CPA6: variants seen among roughly 807,000 people sequenced by gnomAD.
CPA6 encodes the protein carboxypeptidase B.
CPA6 carries 58 observed loss-of-function variants against 63.3 expected under a neutral mutation model. The ratio of observed to expected loss-of-function variants is 0.92; its 90% CI spans 0.74 to 1.14. The LOEUF (loss-of-function observed/expected upper bound fraction) is 1.14. Among genes scored for constraint, CPA6 ranks in the 50% most tolerant of loss-of-function variants. The pLI, the probability that CPA6 is intolerant of heterozygous loss-of-function variation, is 0.00. For missense variants in CPA6, 565 were observed against 526.6 expected (o/e 1.07, Z -0.71); for synonymous variants, 185 against 179.0 (o/e 1.03, Z -0.27).
At chr8:67,622,366 G>A (rs895790852) in intron 2 of CPA6, among the ~76,000 whole-genome samples, 2 of 152,192 alleles carry the variant, frequency 1.3e-5, no homozygotes, top group African/African-American at 4.8e-5. Flanking sequence ...GATGTCGTTG[G>A]GTGAAGAGGT....
chr8:67,616,126 A>G (rs1814941794), intron 2 of CPA6, among the ~76,000 whole-genome samples: 1 of 152,186 alleles, frequency 6.6e-6, no homozygotes, highest in Non-Finnish European at 1.5e-5. Context: ...GGGAGCTTAA[A>G]GAAATTTTAA....
chr8:67,742,279 T>G (rs1454991231), intron 1 of CPA6, among the ~76,000 whole-genome samples: 1 of 152,140 alleles, frequency 6.6e-6, no homozygotes, highest in African/African-American at 2.4e-5. Flanking sequence ...AAATTAAACC[T>G]CCAATTTTAC....
intron 2 of CPA6, among the ~76,000 whole-genome samples, chr8:67,616,736 T>C (rs1814963951): frequency 6.6e-6 from 1 of 152,124 alleles, no homozygotes; most frequent in African/African-American, 2.4e-5. Flanking sequence ...TACTCTAAGC[T>C]TGGGTTCAAG....
intron 2 of CPA6, among the ~76,000 whole-genome samples, chr8:67,541,880 C>A (rs1360029149): frequency 1.3e-5 from 2 of 152,214 alleles, no homozygotes; most frequent in African/African-American, 4.8e-5. Context: ...GTTGGAAATG[C>A]AGAAATCACC....
rs1563966401 is a variant in CPA6, at chr8:67,473,706, G to A, written c.838+10062C>T. Reference sequence around the variant, plus strand: ...TGCAACCTCCGCCTCCCAGGCTCAGGCAATCCTTCTGCCTCATCCTCCTGA... The same window carrying A: ...TGCAACCTCCGCCTCCCAGGCTCAGACAATCCTTCTGCCTCATCCTCCTGA... On this transcript the variant is annotated intron_variant, in intron 8 of 10. Coordinates refer to ENST00000297770, the MANE Select transcript of CPA6 (RefSeq NM_020361.5). 2.0e-5 allele frequency among the ~76,000 whole-genome samples: 3 copies of A among 152,238 alleles called. No homozygotes were observed. In the East Asian group the frequency reaches 5.8e-4, roughly 29 times the overall value.
At chr8:67,535,556 T>A (rs1812567353) in intron 2 of CPA6, among the ~76,000 whole-genome samples, 2 of 152,072 alleles carry the variant, frequency 1.3e-5, no homozygotes, top group South Asian at 4.1e-4. Context: ...TTGGATGGGG[T>A]TGTTTTTCTT....
intron 9 of CPA6, among the ~76,000 whole-genome samples, chr8:67,432,922 T>C (rs1810060489): frequency 6.6e-6 from 1 of 152,172 alleles, no homozygotes; most frequent in South Asian, 2.1e-4. Context: ...AACCCCCTAC[T>C]TGCTACTGGT....
chr8:67,668,297 T>A (rs1296414787), intron 1 of CPA6, among the ~76,000 whole-genome samples: 2 of 152,228 alleles, frequency 1.3e-5, no homozygotes, highest in Non-Finnish European at 2.9e-5. Flanking sequence ...CTATACCCAC[T>A]TCAACAGTTC....
At chr8:67,475,370 A>G (rs1811149935) in intron 8 of CPA6, among the ~76,000 whole-genome samples, 1 of 152,228 alleles carries the variant, frequency 6.6e-6, no homozygotes, top group African/African-American at 2.4e-5. Context: ...GTTTTCTAGC[A>G]ATATGATGGA....
At chr8:67,522,327 C>G (rs1381366606) in intron 2 of CPA6, among the ~76,000 whole-genome samples, 1 of 152,126 alleles carries the variant, frequency 6.6e-6, no homozygotes, top group Non-Finnish European at 1.5e-5. Context: ...TTTAGAGTTT[C>G]CTGTGGCTCA....
At chr8:67,437,734 G>A (rs1304427768) in intron 8 of CPA6, among the ~76,000 whole-genome samples, 1 of 152,018 alleles carries the variant, frequency 6.6e-6, no homozygotes, top group Non-Finnish European at 1.5e-5. Context: ...GATGGAGAGT[G>A]GTTTGAAACA....
chr8:67,496,834 C>T (rs1027273675), intron 6 of CPA6, among the ~76,000 whole-genome samples: 14 of 152,036 alleles, frequency 9.2e-5, no homozygotes, highest in Non-Finnish European at 1.5e-5. Context: ...GCTGGGATTA[C>T]AGGCGTGAGC....
intron 8 of CPA6, among the ~76,000 whole-genome samples, chr8:67,443,661 C>T (rs1810346198): frequency 6.6e-6 from 1 of 152,086 alleles, no homozygotes. Flanking sequence ...TCACATTTCT[C>T]TTCCCCTCAG....
chr8:67,624,832 AT>A, intron 1 of CPA6, among the ~76,000 whole-genome samples: 1 of 152,176 alleles, frequency 6.6e-6, no homozygotes, highest in African/African-American at 2.4e-5. Context: ...ATGGCTGTAA[AT>A]TTTTTAGTGA....
chr8:67,498,872 T>G (rs1811776325), intron 6 of CPA6, among the ~76,000 whole-genome samples: 1 of 152,150 alleles, frequency 6.6e-6, no homozygotes, highest in Admixed American at 6.5e-5. Context: ...AGAGGTAGCA[T>G]GTACTGCAAA....
chr8:67,644,779 C>A (rs1815678826), intron 1 of CPA6, among the ~76,000 whole-genome samples: 1 of 152,148 alleles, frequency 6.6e-6, no homozygotes, highest in Non-Finnish European at 1.5e-5. Flanking sequence ...CCAAAGGGAA[C>A]CAGGCTTCTT....
intron 1 of CPA6, among the ~76,000 whole-genome samples, chr8:67,640,898 CA>C (rs1815576693): frequency 6.6e-6 from 1 of 151,804 alleles, no homozygotes; most frequent in Non-Finnish European, 1.5e-5. Context: ...GCTGTGCCTT[CA>C]GCAGGGTGCT....
chr8:67,569,723 C>A (rs752887318), intron 2 of CPA6: 9 of 188,306 alleles, frequency 4.8e-5, no homozygotes, highest in Non-Finnish European at 7.8e-5. Flanking sequence ...TCTAAGAATA[C>A]TCTGTCATCA....
At chr8:67,676,930 G>A (rs1012867503) in intron 1 of CPA6, among the ~76,000 whole-genome samples, 4 of 152,210 alleles carry the variant, frequency 2.6e-5, no homozygotes, top group Middle Eastern at 3.4e-3. Flanking sequence ...GGGAAAAAAC[G>A]TGTGCATATG....
Sources: allele counts gnomAD v4.1 joint callset (sites outside exome capture counted in the v4.1 genomes callset), GRCh38; gene constraint gnomAD v4.1.1; transcripts MANE v1.5; gene names NCBI Gene and HGNC (gene_info 2026-07-23, HGNC 2026-07-21).